TBC1D5: variants seen among roughly 807,000 people sequenced by gnomAD.
TBC1D5 encodes TBC1 domain family, member 5.
Under a neutral mutation model 100.3 loss-of-function variants are expected in TBC1D5, and 75 were observed. That is an observed-to-expected ratio of 0.75 (90% CI 0.62 to 0.91). The LOEUF (loss-of-function observed/expected upper bound fraction) is 0.91. Ranked by LOEUF, TBC1D5 falls within the 40% of genes least tolerant of loss-of-function variation. The pLI, the probability that TBC1D5 is intolerant of heterozygous loss-of-function variation, is 0.00. For missense variants in TBC1D5, 910 were observed against 942.4 expected (o/e 0.97, Z 0.45); for synonymous variants, 323 against 325.6 (o/e 0.99, Z 0.09).
chr3:17,525,117 T>TA (rs2096115914), intron 2 of TBC1D5, among the ~76,000 whole-genome samples: 1 of 152,148 alleles, frequency 6.6e-6, no homozygotes, highest in East Asian at 1.9e-4. Flanking sequence ...ATGTACACTT[T>TA]AAAAAACAGG....
intron 1 of TBC1D5, among the ~76,000 whole-genome samples, chr3:17,632,649 T>A (rs1342975408): frequency 6.6e-6 from 1 of 152,172 alleles, no homozygotes; most frequent in Non-Finnish European, 1.5e-5. Context: ...ACCACCCTGA[T>A]GAGTCAGCAG....
At chr3:17,603,737 G>C (rs9860854) in intron 2 of TBC1D5, among the ~76,000 whole-genome samples, 76,198 of 151,798 alleles carry the variant, frequency 0.5, 20,687 homozygotes, top group African/African-American at 0.69. Context: ...GCAATCTCGG[G>C]TCACTACAAC....
chr3:17,636,214 G>T (rs1187169665), intron 1 of TBC1D5, among the ~76,000 whole-genome samples: 2 of 151,888 alleles, frequency 1.3e-5, no homozygotes, highest in Non-Finnish European at 2.9e-5. Context: ...TTTTCAGATG[G>T]GAAAAAAAAC....
intron 1 of TBC1D5, among the ~76,000 whole-genome samples, chr3:17,714,960 C>T (rs2075093421): frequency 1.3e-5 from 2 of 152,098 alleles, no homozygotes; most frequent in Non-Finnish European, 2.9e-5. Flanking sequence ...AGAAATCCCA[C>T]TAGAGTTTAA....
At chr3:17,215,209 C>T (rs2073482089) in intron 17 of TBC1D5, among the ~76,000 whole-genome samples, 1 of 151,874 alleles carries the variant, frequency 6.6e-6, no homozygotes, top group African/African-American at 2.4e-5. Flanking sequence ...CAGAGATGGT[C>T]AAGTGGGGGT....
intron 17 of TBC1D5, among the ~76,000 whole-genome samples, chr3:17,221,444 C>A (rs2074274062): frequency 6.6e-6 from 1 of 152,086 alleles, no homozygotes; most frequent in Non-Finnish European, 1.5e-5. Context: ...TCTCCCACGA[C>A]CCCACAACAG....
intron 1 of TBC1D5, among the ~76,000 whole-genome samples, chr3:17,710,611 T>C (rs896700938): frequency 5.3e-5 from 8 of 151,670 alleles, no homozygotes; most frequent in Middle Eastern, 3.2e-3. Context: ...TTGATAAAAA[T>C]AGAATGAACT....
chr3:17,271,696 A>G (rs562674156), intron 15 of TBC1D5, among the ~76,000 whole-genome samples: 1 of 152,214 alleles, frequency 6.6e-6, no homozygotes, highest in South Asian at 2.1e-4. Context: ...TCTTAAGGGG[A>G]ATGCTTCTAG....
rs1347501815 is a variant in TBC1D5, at chr3:17,185,102, C to A, written c.1852+7G>T. 6.2e-7 allele frequency: 1 copy of A among 1,609,694 alleles called. No homozygotes were observed. Among genetic ancestry groups the A allele is most frequent in the Non-Finnish European group, 8.5e-7 (1 of 1,177,224 alleles). ...CATCGTTCCCAGGGCCAAAGTAATT[C>A]ACTTACCAAGATGAGTGTCCATCAC... On this transcript the variant is annotated splice_region_variant and intron_variant, in intron 19 of 21. Coordinates refer to ENST00000253692, the Ensembl canonical transcript of TBC1D5.
chr3:17,525,362 G>C (rs2096120547), intron 2 of TBC1D5, among the ~76,000 whole-genome samples: 1 of 152,088 alleles, frequency 6.6e-6, no homozygotes, highest in Non-Finnish European at 1.5e-5. Flanking sequence ...AACTCCTGAT[G>C]TCAGGTGATC....
chr3:17,435,498 A>G (rs978508711), intron 3 of TBC1D5, among the ~76,000 whole-genome samples: 1 of 152,204 alleles, frequency 6.6e-6, no homozygotes. Flanking sequence ...AGAAATGCCA[A>G]TTAAAAGGGG....
chr3:17,379,124 T>C (rs1247215220), intron 9 of TBC1D5, among the ~76,000 whole-genome samples: 2 of 151,888 alleles, frequency 1.3e-5, no homozygotes, highest in African/African-American at 2.4e-5. Context: ...TTGATGATTC[T>C]ATTTTTTTAT....
intron 3 of TBC1D5, among the ~76,000 whole-genome samples, chr3:17,487,488 TAGA>T (rs1367638268): frequency 6.6e-6 from 1 of 152,186 alleles, no homozygotes; most frequent in Non-Finnish European, 1.5e-5. Flanking sequence ...AATTAGATGT[TAGA>T]AGGTCATGGG....
At chr3:17,307,431 G>C (rs567945057) in intron 14 of TBC1D5, among the ~76,000 whole-genome samples, 2 of 152,186 alleles carry the variant, frequency 1.3e-5, no homozygotes, top group Non-Finnish European at 2.9e-5. Flanking sequence ...CTAGACACTG[G>C]CTTTCCGGTT....
intron 9 of TBC1D5, among the ~76,000 whole-genome samples, 167 bp from the exon 10 acceptor site, chr3:17,376,780 C>T (rs1052962663): frequency 9.2e-5 from 14 of 152,084 alleles, no homozygotes; most frequent in African/African-American, 3.1e-4. Context: ...TTTTTATCTA[C>T]GTTCAGAATT....
exon 17 of TBC1D5, chr3:17,238,346 T>C (rs750572442): frequency 3.7e-6 from 6 of 1,613,792 alleles, no homozygotes; most frequent in Non-Finnish European, 5.1e-6. Flanking sequence ...GCTGGGGAAA[T>C]CAACTTTCTT....
At chr3:17,442,174 A>G (rs1363143059) in intron 3 of TBC1D5, among the ~76,000 whole-genome samples, 1 of 152,204 alleles carries the variant, frequency 6.6e-6, no homozygotes, top group East Asian at 1.9e-4. Context: ...TTTTTCAGAA[A>G]CTAGAAAAAG....
At chr3:17,450,099 A>G (rs961129000) in intron 3 of TBC1D5, among the ~76,000 whole-genome samples, 3 of 152,172 alleles carry the variant, frequency 2.0e-5, no homozygotes, top group African/African-American at 7.2e-5. Context: ...CAGGGTCTGG[A>G]GAGGACCCCC....
intron 8 of TBC1D5, among the ~76,000 whole-genome samples, chr3:17,389,965 T>A (rs541134605): frequency 2.0e-5 from 3 of 152,128 alleles, no homozygotes; most frequent in Non-Finnish European, 4.4e-5. Flanking sequence ...AAATCCTTCA[T>A]CAATTTTTAG....
Sources: gnomAD v4.1 joint callset for allele counts (sites outside exome capture counted in the v4.1 genomes callset) on GRCh38, gnomAD v4.1.1 for gene constraint, MANE v1.5 for transcripts, NCBI Gene and HGNC (gene_info 2026-07-23, HGNC 2026-07-21) for gene names.